GPHN: variants seen among roughly 807,000 people sequenced by gnomAD.
The protein encoded by GPHN is gephyrin.
A neutral mutation model predicts 95.5 loss-of-function variants in GPHN; 17 were observed. The ratio of observed to expected loss-of-function variants is 0.18; its 90% CI spans 0.12 to 0.27. The LOEUF (loss-of-function observed/expected upper bound fraction) is 0.27. Ranked by LOEUF, GPHN falls within the 10% of genes least tolerant of loss-of-function variation. GPHN has a pLI of 1.00. For missense variants in GPHN, 660 were observed against 978.1 expected, an observed-to-expected ratio of 0.67 and a Z score of 4.34; for synonymous variants, 320 against 322.5, an observed-to-expected ratio of 0.99 and a Z score of 0.08.
chr14:66,938,641 A>G (rs1266519988), intron 8 of GPHN, among the ~76,000 whole-genome samples: 5 of 152,266 alleles, frequency 3.3e-5, no homozygotes, highest in East Asian at 1.9e-4. Context: ...TCTTTCAAGT[A>G]TTAGTACTTT....
intron 1 of GPHN, among the ~76,000 whole-genome samples, chr14:66,569,350 C>A (rs1481384354): frequency 6.6e-6 from 1 of 152,054 alleles, no homozygotes; most frequent in Non-Finnish European, 1.5e-5. Flanking sequence ...TCCTCTTTAA[C>A]ACACACACCA....
chr14:67,418,901 C>T, the GPHN span, among the ~76,000 whole-genome samples: 2 of 152,226 alleles, frequency 1.3e-5, no homozygotes, highest in Admixed American at 6.5e-5. Context: ...AGGTCAGTCA[C>T]TCTCCCCAGG....
chr14:67,473,410 C>G, the GPHN span: 1 of 1,611,304 alleles, frequency 6.2e-7, no homozygotes, highest in Non-Finnish European at 8.5e-7. The surrounding 1 kb of genome is among the most constrained non-coding windows in gnomAD (Gnocchi z 6.5). Context: ...GCCCCCCACC[C>G]GCTTCCTGCT....
chr14:67,718,747 A>G, the GPHN span, among the ~76,000 whole-genome samples: 6 of 152,136 alleles, frequency 3.9e-5, no homozygotes, highest in African/African-American at 1.4e-4. Flanking sequence ...CAGGTATCCT[A>G]TTGGTCCCTG....
intron 1 of GPHN, among the ~76,000 whole-genome samples, chr14:66,636,243 A>G (rs1465044780): frequency 6.6e-6 from 1 of 151,996 alleles, no homozygotes; most frequent in African/African-American, 2.4e-5. Flanking sequence ...GGATTCCTTT[A>G]TTTTAGCTGC....
the GPHN span, among the ~76,000 whole-genome samples, chr14:67,237,724 AG>A: frequency 6.6e-6 from 1 of 152,332 alleles, no homozygotes. Context: ...ATGAGGAAGA[AG>A]GGAGGGTATT....
chr14:66,824,433 C>A, intron 3 of GPHN, 41 bp from the exon 4 acceptor site: 1 of 1,045,012 alleles, frequency 9.6e-7, no homozygotes. Context: ...AGCAAGCAGG[C>A]AAATTTTTCT....
intron 16 of GPHN, among the ~76,000 whole-genome samples, chr14:67,121,127 A>G (rs1475546206): frequency 1.3e-5 from 2 of 152,160 alleles, no homozygotes; most frequent in East Asian, 1.9e-4. Flanking sequence ...TCCTAAAATA[A>G]TAGTCCAGGT....
At chr14:67,677,209 A>C in the GPHN span, 9 of 152,170 alleles carry the variant, frequency 5.9e-5, no homozygotes, top group Non-Finnish European at 1.3e-4. Context: ...TCTCCAAATA[A>C]AATACAAAAT....
the GPHN span, among the ~76,000 whole-genome samples, chr14:67,372,836 A>AC: frequency 4.0e-5 from 6 of 151,884 alleles, no homozygotes; most frequent in African/African-American, 1.5e-4. Context: ...CAAAAAAAAA[A>AC]ACAAAAAACA....
chr14:66,903,601 A>C (rs971103843), intron 5 of GPHN, among the ~76,000 whole-genome samples: 1 of 152,000 alleles, frequency 6.6e-6, no homozygotes, highest in Non-Finnish European at 1.5e-5. Flanking sequence ...CCATTCAGGC[A>C]CTCTATGTCT....
chr14:67,636,846 T>G, the GPHN span, among the ~76,000 whole-genome samples: 8 of 152,188 alleles, frequency 5.3e-5, no homozygotes, highest in Non-Finnish European at 1.2e-4. Flanking sequence ...TTCCTTGAAA[T>G]TTCAGGCTCC....
the GPHN span, chr14:67,662,388 G>T: frequency 8.8e-7 from 1 of 1,142,668 alleles, no homozygotes; most frequent in South Asian, 1.4e-5. Flanking sequence ...CAATGGACAG[G>T]AACAGTTAAT....
chr14:67,054,374 C>G (rs1217414437), intron 10 of GPHN, among the ~76,000 whole-genome samples: 4 of 152,056 alleles, frequency 2.6e-5, no homozygotes, highest in African/African-American at 4.8e-5. Flanking sequence ...GAAAAAATAC[C>G]TAGGAATACA....
At chr14:66,721,600 T>G (rs2070743906) in intron 2 of GPHN, among the ~76,000 whole-genome samples, 1 of 152,176 alleles carries the variant, frequency 6.6e-6, no homozygotes, top group Non-Finnish European at 1.5e-5. Flanking sequence ...TTTGATATTT[T>G]CCAGGAACCC....
chr14:67,011,516 A>G (rs1594809459), intron 9 of GPHN, among the ~76,000 whole-genome samples: 2 of 145,882 alleles, frequency 1.4e-5, no homozygotes, highest in Middle Eastern at 3.4e-3. Flanking sequence ...TGAGGCTGCA[A>G]TGAGCTATGA....
the GPHN span, among the ~76,000 whole-genome samples, chr14:67,564,743 C>CAA: frequency 6.7e-6 from 1 of 150,074 alleles, no homozygotes; most frequent in African/African-American, 2.5e-5. Flanking sequence ...GGCTGGAGTG[C>CAA]AATGGTGCAA....
At position 67,113,148 on chromosome 14, in the gene GPHN, G is replaced by A. The variant is rs1216411804; in HGVS notation, c.1603G>A (p.Ala535Thr). Residue 535 changes from alanine (A) to threonine (T), a missense_variant, in exon 16 of 23, where the codon GCA (alanine) becomes ACA (threonine). By Grantham distance (58) the Ala-to-Thr change is moderately conservative (BLOSUM62 0). Transcript: ENST00000478722. The stretch of plus-strand genomic sequence containing the variant: ...TGAAGTTAATAAGTTTCCAGTGGTT[G>A]CAGTCATGTCAACAGGGAATGAGGT... ...EVEVNKFPVV[A>T]VMSTGNELLN... 1 of 1,613,802 alleles carries A rather than the reference G, an allele frequency of 6.2e-7. No homozygotes were observed. The highest frequency in any genetic ancestry group is 1.3e-5 in the African/African-American group (1 of 74,926).
rs1434040424 is a variant in GPHN at position 66,841,178 on chromosome 14, A to AAT, written c.294+16612_294+16613insAT. ...CTATTAAAAAACAAGTAAACTCTAT[A>AAT]GAACTGGAGATGGTAAGCGCTATGT... On this transcript the variant is annotated intron_variant, in intron 4 of 22. Coordinates refer to ENST00000478722, the MANE Select transcript of GPHN (RefSeq NM_020806.5). 2.4e-3 allele frequency among the ~76,000 whole-genome samples: 362 copies of AAT among 152,206 alleles called. 3 individuals carry two copies. Among genetic ancestry groups the AAT allele is most frequent in the African/African-American group, 8.2e-3 (341 of 41,518 alleles).
Sources: allele counts gnomAD v4.1 joint callset (sites outside exome capture counted in the v4.1 genomes callset), GRCh38; gene constraint gnomAD v4.1.1; non-coding constraint Gnocchi (gnomAD v3.1); transcripts MANE v1.5; gene names NCBI Gene and HGNC (gene_info 2026-07-23, HGNC 2026-07-21).